Variants in CAST observed in about 807,000 individuals in gnomAD.
CAST encodes calpastatin, also known as MIR583 host.
Under a neutral mutation model 119.6 loss-of-function variants are expected in CAST, and 76 were observed. The ratio of observed to expected loss-of-function variants is 0.64; its 90% CI spans 0.53 to 0.77. The LOEUF is 0.77. Among genes scored for constraint, CAST ranks in the 30% least tolerant of loss-of-function variants. The pLI is 0.00. For synonymous variants in CAST, 319 were observed against 331.6 expected, an observed-to-expected ratio of 0.96 and a Z score of 0.41; for missense variants, 953 against 946.5, an observed-to-expected ratio of 1.01 and a Z score of -0.09.
chr5:96,269,524 C>T, the CAST span, among the ~76,000 whole-genome samples: 7 of 152,168 alleles, frequency 4.6e-5, no homozygotes, highest in Admixed American at 2.6e-4. Context: ...CTTCTATCAG[C>T]ACATGGAACA....
chr5:96,421,868 A>G, the CAST span: 38 of 1,377,702 alleles, frequency 2.8e-5, no homozygotes, highest in Admixed American at 2.0e-4. Context: ...ACACAAATGC[A>G]TATTTACTCA....
At chr5:96,415,942 T>C in the CAST span, 2 of 832,594 alleles carry the variant, frequency 2.4e-6, no homozygotes, top group Admixed American at 1.7e-5. Flanking sequence ...CCTCCAGTTG[T>C]TAAAAAGAAA....
intron 1 of CAST, among the ~76,000 whole-genome samples, chr5:96,562,014 G>A (rs1001496391): frequency 1.3e-5 from 2 of 150,368 alleles, no homozygotes; most frequent in South Asian, 2.1e-4. Flanking sequence ...GGATGGTCTC[G>A]ATCTCCTGAC....
the CAST span, among the ~76,000 whole-genome samples, chr5:96,114,722 G>T: frequency 1.3e-5 from 2 of 152,204 alleles, no homozygotes; most frequent in African/African-American, 4.8e-5. Context: ...CTGCCTGGGA[G>T]AAGCGTAATG....
intron 1 of CAST, chr5:96,663,298 G>GT (rs1748838639): frequency 1.4e-6 from 1 of 692,552 alleles, no homozygotes; most frequent in Non-Finnish European, 2.6e-6. Flanking sequence ...TGCGGACCGG[G>GT]TGCGACCTCC....
the CAST span, among the ~76,000 whole-genome samples, chr5:96,365,882 G>C: frequency 1.3e-5 from 2 of 152,130 alleles, no homozygotes; most frequent in Non-Finnish European, 2.9e-5. Context: ...GTTGTTACCT[G>C]GTTATTTTGC....
At chr5:96,224,167 AAACTC>A in the CAST span, among the ~76,000 whole-genome samples, 1 of 152,228 alleles carries the variant, frequency 6.6e-6, no homozygotes, top group African/African-American at 2.4e-5. Flanking sequence ...AAGTGACTGA[AAACTC>A]AATTCAAACT....
the CAST span, among the ~76,000 whole-genome samples, chr5:96,377,033 A>C: frequency 3.9e-5 from 6 of 152,144 alleles, no homozygotes; most frequent in Non-Finnish European, 8.8e-5. Flanking sequence ...AAAATAAATA[A>C]AATAGATAAA....
intron 1 of CAST, among the ~76,000 whole-genome samples, chr5:96,571,256 G>A (rs1355643048): frequency 2.0e-5 from 3 of 152,124 alleles, no homozygotes; most frequent in Non-Finnish European, 4.4e-5. Flanking sequence ...GAGGGCTAGA[G>A]GGTCTCATAA....
At chr5:96,673,166 T>G (rs894802666) in intron 1 of CAST, among the ~76,000 whole-genome samples, 2 of 152,228 alleles carry the variant, frequency 1.3e-5, no homozygotes, top group Admixed American at 1.3e-4. Context: ...ACTTATGTAA[T>G]CTGAAAAAAT....
chr5:96,572,205 ATT>A (rs10654861), intron 1 of CAST, among the ~76,000 whole-genome samples: 1 of 147,618 alleles, frequency 6.8e-6, no homozygotes, highest in Admixed American at 6.8e-5. Context: ...AATTTGTGCT[ATT>A]TTTTTTTTTT....
the CAST span, among the ~76,000 whole-genome samples, chr5:96,252,902 G>C: frequency 6.6e-6 from 1 of 152,128 alleles, no homozygotes; most frequent in South Asian, 2.1e-4. Context: ...AGAATGACTG[G>C]AGTCTGACAG....
Position 96,743,607 on chromosome 5 carries a change from T to C in CAST, c.1200+851T>C, listed in dbSNP as rs765800716. 27 of 1,609,218 alleles carry C rather than the reference T, an allele frequency of 1.7e-5. No homozygotes were observed. The Admixed American group carries it at 2.5e-4, about 15-fold the overall frequency. On this transcript the variant is annotated intron_variant, in intron 16 of 31. Coordinates refer to ENST00000675179, the MANE Select transcript of CAST (RefSeq NM_001750.7). ...GACTTCCAGCAACAATCCTTGAGTC[T>C]GGGACTGCCCTGGCCTAAGATGGGC...
chr5:96,591,046 G>A (rs184520073), intron 1 of CAST, among the ~76,000 whole-genome samples: 70 of 152,254 alleles, frequency 4.6e-4, no homozygotes, highest in African/African-American at 1.6e-3. Context: ...AGTATGGGCA[G>A]GTCCCTTTCA....
chr5:96,402,829 G>A, the CAST span, among the ~76,000 whole-genome samples: 3 of 152,262 alleles, frequency 2.0e-5, no homozygotes, highest in South Asian at 4.1e-4. Context: ...GACTGACAGA[G>A]AGGCCTTGGA....
At chr5:96,691,544 A>G (rs1441773668) in intron 2 of CAST, among the ~76,000 whole-genome samples, 2 of 152,224 alleles carry the variant, frequency 1.3e-5, no homozygotes, top group Non-Finnish European at 2.9e-5. Flanking sequence ...GTTGCCCTGC[A>G]GAGGTCAGTC....
chr5:96,215,958 C>G, the CAST span, among the ~76,000 whole-genome samples: 5 of 152,054 alleles, frequency 3.3e-5, no homozygotes, highest in African/African-American at 1.2e-4. Context: ...CAGGCACACG[C>G]CACCACACCC....
At chr5:96,643,104 T>C (rs987190353) in intron 1 of CAST, among the ~76,000 whole-genome samples, 8 of 152,192 alleles carry the variant, frequency 5.3e-5, no homozygotes, top group Non-Finnish European at 8.8e-5. Context: ...TTTTGCTACA[T>C]ACAAAACAAC....
the CAST span, among the ~76,000 whole-genome samples, chr5:96,202,856 G>A: frequency 6.6e-6 from 1 of 152,034 alleles, no homozygotes; most frequent in South Asian, 2.1e-4. Flanking sequence ...GAATGAATGA[G>A]TGCATAGTTG....
Sources: gnomAD v4.1 joint callset for allele counts (sites outside exome capture counted in the v4.1 genomes callset) on GRCh38, gnomAD v4.1.1 for gene constraint, MANE v1.5 for transcripts, NCBI Gene and HGNC (gene_info 2026-07-23, HGNC 2026-07-21) for gene names.